The following AKT1S1 variants were observed in gnomAD, a reference collection of about 807,000 sequenced individuals.
The protein encoded by AKT1S1 is proline-rich AKT1 substrate 1.
In AKT1S1, 17 loss-of-function variants were observed where a neutral mutation model predicts 21.2. The observed-to-expected ratio is 0.80, with a 90% CI of 0.55 to 1.20. AKT1S1 has a LOEUF of 1.20. Among genes scored for constraint, AKT1S1 ranks in the 50% most tolerant of loss-of-function variants. The pLI is 0.00. For synonymous variants in AKT1S1, 181 were observed against 165.6 expected, an observed-to-expected ratio of 1.09 and a Z score of -0.72; for missense variants, 366 against 368.3, an observed-to-expected ratio of 0.99 and a Z score of 0.05.
chr19:49,872,673 G>A (rs956929901), intron 2 of AKT1S1, among the ~76,000 whole-genome samples: 23 of 152,158 alleles, frequency 1.5e-4, no homozygotes, highest in Non-Finnish European at 2.9e-4. Flanking sequence ...GCCCGAGCCT[G>A]CTCTGTGTCC....
intron 2 of AKT1S1, among the ~76,000 whole-genome samples, chr19:49,872,254 C>T (rs183697740): frequency 4.3e-4 from 66 of 152,290 alleles, no homozygotes; most frequent in African/African-American, 1.4e-3. Context: ...GTCACTTGCC[C>T]GAGGTCCCAT....
chr19:49,875,315 ACAC>A (rs2074927378), intron 1 of AKT1S1: 4 of 149,982 alleles, frequency 2.7e-5, no homozygotes, highest in Admixed American at 1.3e-4. Flanking sequence ...AGAGCTTAGG[ACAC>A]TGGCAAAAAA....
Position 49,869,998 on chromosome 19 carries a change from G to T in AKT1S1, c.690C>A (p.Ala230=). 6.5e-7 allele frequency: 1 copy of T among 1,546,854 alleles called. No individual in the cohort carries two copies. ...GGTCCCCGAAGACCTGGGTGTCCTC[G>T]GCCTCTCGCAGCACCAGCGCGCGCA... ...ASMRALVLRE[A]EDTQVFGDLP... is the part of the protein sequence containing the mutation. Residue 230 remains alanine, a synonymous_variant, in exon 5 of 5, where the codon GCC becomes GCA. Coordinates refer to ENST00000344175, the MANE Select transcript of AKT1S1 (RefSeq NM_001098633.4).
Position 49,873,410 on chromosome 19 carries a change from C to T in AKT1S1, c.-7-108G>A, listed in dbSNP as rs1449810248. The stretch of plus-strand genomic sequence containing the variant: ...TGGATGGCACTCACCACCCTCCACC[C>T]ACCTTGTCCCAGCGGTGCTGTGTGT... On this transcript the variant is annotated intron_variant, in intron 1 of 4. Transcript: ENST00000344175. The surrounding 1 kb of genome is among the most constrained non-coding windows in gnomAD (Gnocchi z 6.9). 2.9e-6 allele frequency: 4 copies of T among 1,363,316 alleles called. No homozygotes were observed. Among genetic ancestry groups the T allele is most frequent in the African/African-American group, 1.5e-5 (1 of 64,540 alleles). The allele number at this position is 1,363,316 out of a possible 1,614,324, so 84.5% of individuals were successfully genotyped here.
rs1221795357 is a variant in AKT1S1 at position 49,869,051 on chromosome 19, G to A, written c.*866C>T. 6.5e-6 allele frequency: 1 copy of A among 152,672 alleles called. No individual in the cohort carries two copies. The highest frequency in any genetic ancestry group is 2.1e-4 in the South Asian group (1 of 4,834). The allele number at this position is 152,672 out of a possible 1,614,324, so 9.5% of individuals were successfully genotyped here. The stretch of plus-strand genomic sequence containing the variant: ...AACACACTTCACATTTATCTCAGAG[G>A]TAAAACTCTTTAATCTCAGAGCGCC... On this transcript the variant is annotated 3_prime_UTR_variant, in exon 5 of 5. Transcript: ENST00000344175.
In AKT1S1 at chr19:49,872,981, C is replaced by A; in HGVS notation, c.315G>T (p.Glu105Asp). The change falls in exon 2 of 5, where the codon GAG becomes GAT. Residue 105 changes from glutamate to aspartate, a missense_variant. Physicochemically the swap from Glu to Asp is conservative, Grantham distance 45. Coordinates refer to ENST00000344175, the MANE Select transcript of AKT1S1 (RefSeq NM_001098633.4). ...CTGTCTCTGTGGGCTCATCCTCGTC[C>A]TCCTCGTTGTCCTCTCTGGCCAGGG... ...RPTLAREDNE[E>D]DEDEPTETET... is the part of the protein sequence containing the mutation. The A allele has an allele frequency of 6.3e-7, 1 of 1,598,862 alleles. No individual in the cohort carries two copies. The highest frequency in any genetic ancestry group is 1.3e-5 in the African/African-American group (1 of 74,714).
chr19:49,873,454 T>A lies in AKT1S1; in HGVS notation c.-7-152A>T, dbSNP rs947107049. 6.9e-6 allele frequency: 9 copies of A among 1,305,542 alleles called. No individual in the cohort carries two copies. Among genetic ancestry groups the A allele is most frequent in the African/African-American group, 1.6e-5 (1 of 63,486 alleles). The allele number at this position is 1,305,542 out of a possible 1,614,324, so 80.9% of individuals were successfully genotyped here. On this transcript the variant is annotated intron_variant, in intron 1 of 4. Transcript: ENST00000344175. This position sits in a 1 kb window ranked among gnomAD's most constrained non-coding sequence, Gnocchi z 6.9. ...TGTGTGTCCTCCCCAAACCTGCTAC[T>A]CCCCAGGATTCTCACCATCCAGTCC...
chr19:49,876,208 G>A (rs1220552925), intron 1 of AKT1S1: 2 of 1,031,122 alleles, frequency 1.9e-6, no homozygotes, highest in East Asian at 7.8e-5. Flanking sequence ...CCTCGCCCGG[G>A]GTCCAGGGAG....
At chr19:49,871,400 G>A (rs966557526) in intron 4 of AKT1S1, 147 bp downstream of exon 4, 13 of 1,081,304 alleles carry the variant, frequency 1.2e-5, no homozygotes, top group African/African-American at 3.1e-5. Context: ...TGCAAGGCTC[G>A]TGTCCAAGAA....
rs1320634374 is a variant in AKT1S1 at position 49,869,288 on chromosome 19, G to C, written c.*629C>G. ...GGGATGGATGGAACCAATGAAAGGG[G>C]GTGCCAGAGGCAGGGACAGTTTGGG... On this transcript the variant is annotated 3_prime_UTR_variant, in exon 5 of 5. Transcript: ENST00000344175. 1 of 152,770 alleles carries C rather than the reference G, an allele frequency of 6.5e-6. No individual in the cohort carries two copies. Among genetic ancestry groups the C allele is most frequent in the East Asian group, 1.9e-4 (1 of 5,194 alleles). The allele number at this position is 152,770 out of a possible 1,614,324, so 9.5% of individuals were successfully genotyped here.
chr19:49,869,895 C>T lies in AKT1S1; in HGVS notation c.*22G>A, dbSNP rs987724399. On this transcript the variant is annotated 3_prime_UTR_variant, in exon 5 of 5. Transcript: ENST00000344175. ...AGTGTGGGACGGGGCGGACGCGGCC[C>T]GGGGCGCTCCCTCCCTGGACTTCAA... 10 of 1,467,186 alleles carry T rather than the reference C, an allele frequency of 6.8e-6. No homozygotes were observed. In the South Asian group the frequency reaches 7.9e-5, roughly 12 times the overall value. The allele number at this position is 1,467,186 out of a possible 1,614,324, so 90.9% of individuals were successfully genotyped here.
Position 49,870,055 on chromosome 19 carries a change from A to G in AKT1S1, c.633T>C (p.Ser211=). 3 of 1,539,068 alleles carry G rather than the reference A, an allele frequency of 1.9e-6. No homozygotes were observed. Among genetic ancestry groups the G allele is most frequent in the Non-Finnish European group, 2.6e-6 (3 of 1,139,432 alleles). Residue 211 remains serine (S), a synonymous_variant, in exon 5 of 5, where the codon TCT becomes TCC. Transcript: ENST00000344175. The part of the protein sequence containing the change: ...RSSDEENGPP[S]SPDLDRIAAS... ...CCGCGATGCGGTCCAGGTCGGGCGA[A>G]GAGGGCTGCGGGGACGGCGACGGGG...
At position 49,872,978 on chromosome 19, in the gene AKT1S1, G is replaced by C. The variant is rs779330190; in HGVS notation, c.318C>G (p.Asp106Glu). The part of the protein sequence containing the change: ...PTLAREDNEE[D>E]EDEPTETETS... ...TCTCTGTCTCTGTGGGCTCATCCTC[G>C]TCCTCCTCGTTGTCCTCTCTGGCCA... The change falls in exon 2 of 5, where the codon GAC becomes GAG. Residue 106 changes from aspartate (D) to glutamate (E), a missense_variant. By Grantham distance (45) the Asp-to-Glu change is conservative. Transcript: ENST00000344175. The C allele has an allele frequency of 1.9e-6, 3 of 1,599,446 alleles. No homozygotes were observed. Among genetic ancestry groups the C allele is most frequent in the Non-Finnish European group, 8.5e-7 (1 of 1,174,732 alleles).
At chr19:49,876,779 A>T in intron 1 of AKT1S1, 1 of 1,198,794 alleles carries the variant, frequency 8.3e-7, no homozygotes, top group South Asian at 1.9e-5. Flanking sequence ...CCAGTTGACA[A>T]GGGTGACGAC....
Position 49,873,398 on chromosome 19 carries a change from C to G in AKT1S1, c.-7-96G>C. ...CCGCCCGTCCCCTGGATGGCACTCA[C>G]CACCCTCCACCCACCTTGTCCCAGC... is the stretch of plus-strand genomic sequence containing the variant. On this transcript the variant is annotated intron_variant, in intron 1 of 4. Transcript: ENST00000344175. The surrounding 1 kb of genome is among the most constrained non-coding windows in gnomAD (Gnocchi z 6.9). The G allele has an allele frequency of 2.2e-6, 3 of 1,366,044 alleles. No homozygotes were observed. The highest frequency in any genetic ancestry group is 1.9e-6 in the Non-Finnish European group (2 of 1,065,984). 84.6% of individuals were successfully genotyped at this position (1,366,044 alleles called of 1,614,324 possible). A position where few individuals can be genotyped will look rare whatever the true frequency, so the allele number is the denominator to read the frequency against.
chr19:49,877,616 C>T (rs2074965024), upstream of AKT1S1: 6 of 1,278,716 alleles, frequency 4.7e-6, no homozygotes, highest in Admixed American at 2.3e-5. Context: ...TAGAACGGGT[C>T]GGGCCGCTAC....
rs1282857655 is a variant in AKT1S1, at chr19:49,869,944, G to A, written c.744C>T (p.Asp248=). The change falls in exon 5 of 5, where the codon GAC becomes GAT. Residue 248 remains aspartate, a synonymous_variant. Transcript: ENST00000344175. Reference sequence around the variant, plus strand: ...AATATTTCCGCTTCAGCTTCTGGAAGTCGCTGGTGTTAAGCCGCGGCCGTG... The same window carrying A: ...AATATTTCCGCTTCAGCTTCTGGAAATCGCTGGTGTTAAGCCGCGGCCGTG... ...DLPRPRLNTS[D]FQKLKRKY 1 of 1,528,332 alleles carries A rather than the reference G, an allele frequency of 6.5e-7. No homozygotes were observed. The highest frequency in any genetic ancestry group is 8.8e-7 in the Non-Finnish European group (1 of 1,130,534). 94.7% of individuals were successfully genotyped at this position (1,528,332 alleles called of 1,614,324 possible).
intron 1 of AKT1S1, chr19:49,875,139 C>G (rs775035054): frequency 6.6e-6 from 1 of 152,302 alleles, no homozygotes; most frequent in Non-Finnish European, 1.5e-5. Flanking sequence ...GTTGCAAACT[C>G]AGGCCCAGGG....
chr19:49,870,497 G>A (rs1265043971), intron 4 of AKT1S1, among the ~76,000 whole-genome samples: 1 of 152,176 alleles, frequency 6.6e-6, no homozygotes, highest in Admixed American at 6.5e-5. Flanking sequence ...AAAATGGGGC[G>A]GATAACAGGG....
Sources: allele counts gnomAD v4.1 joint callset (sites outside exome capture counted in the v4.1 genomes callset), GRCh38; gene constraint gnomAD v4.1.1; non-coding constraint Gnocchi (gnomAD v3.1); transcripts MANE v1.5; gene names NCBI Gene and HGNC (gene_info 2026-07-23, HGNC 2026-07-21).